IRF8: variants seen among roughly 807,000 people sequenced by gnomAD.
IRF8 encodes interferon consensus sequence binding protein 1.
IRF8 carries 14 observed loss-of-function variants against 48.7 expected under a neutral mutation model. The observed-to-expected ratio is 0.29, with a 90% CI of 0.19 to 0.45. IRF8 has a LOEUF of 0.45. Ranked by LOEUF, IRF8 falls within the 20% of genes least tolerant of loss-of-function variation. IRF8 has a pLI of 1.00. For synonymous variants in IRF8, 278 were observed against 227.3 expected (o/e 1.22, Z -2.01); for missense variants, 493 against 580.7 (o/e 0.85, Z 1.55).
chr16:85,909,427 T>C (rs941264313), intron 3 of IRF8: 2 of 515,894 alleles, frequency 3.9e-6, no homozygotes, highest in Admixed American at 6.5e-5. Context: ...AGGGCCTCCC[T>C]GGACAGGAAC....
chr16:85,920,371 C>T (rs538701645), intron 8 of IRF8, 147 bp downstream of exon 8: 21 of 640,434 alleles, frequency 3.3e-5, no homozygotes, highest in South Asian at 9.0e-5. Context: ...CTCAGCCTCC[C>T]GAGTTGCTGG....
At chr16:85,921,071 G>T (rs762047885) in intron 8 of IRF8, 35 bp from the exon 9 acceptor site, 18 of 1,587,430 alleles carry the variant, frequency 1.1e-5, no homozygotes, top group Non-Finnish European at 1.5e-5. Flanking sequence ...TGGAGCCTCC[G>T]CCTCTGCCTC....
intron 6 of IRF8, 130 bp from the exon 7 acceptor site, chr16:85,918,287 C>T: frequency 1.9e-6 from 2 of 1,060,406 alleles, no homozygotes; most frequent in Non-Finnish European, 2.7e-6. Context: ...ATGGATTTCC[C>T]CAGAATATCA....
At chr16:85,917,315 A>G (rs4843860) in intron 6 of IRF8, among the ~76,000 whole-genome samples, 34,212 of 152,118 alleles carry the variant, frequency 0.22, 4,200 homozygotes, top group Middle Eastern at 0.38. Context: ...GGTTTAAGGC[A>G]ATTAAAATGC....
chr16:85,908,903 A>G, intron 2 of IRF8, 87 bp from the exon 3 acceptor site: 1 of 1,124,796 alleles, frequency 8.9e-7, no homozygotes, highest in Non-Finnish European at 1.4e-6. Context: ...ATGGGAAGGG[A>G]AGGATGTGTG....
chr16:85,920,008 G>A (rs1905484811), intron 7 of IRF8, 101 bp from the exon 8 acceptor site: 7 of 863,552 alleles, frequency 8.1e-6, no homozygotes, highest in African/African-American at 1.7e-5. Context: ...TGGCCTAAAT[G>A]CTACAAGCCC....
rs146506351 is a variant in IRF8, at chr16:85,914,407, A to G, written c.554-66A>G. 524 of 1,594,020 alleles carry G rather than the reference A, an allele frequency of 3.3e-4. No individual in the cohort carries two copies. The African/African-American group carries it at 6.3e-3, about 19-fold the overall frequency. On this transcript the variant is annotated intron_variant, in intron 5 of 8. Coordinates refer to ENST00000268638, the MANE Select transcript of IRF8 (RefSeq NM_002163.4). ...TTAAGGGACTTTTGGAGAAGGAGCG[A>G]TTGGGGTTACTCCCTGTACACCACA...
At chr16:85,900,034 A>T (rs995673896) in intron 1 of IRF8, among the ~76,000 whole-genome samples, 11 of 152,224 alleles carry the variant, frequency 7.2e-5, no homozygotes, top group African/African-American at 2.7e-4. Flanking sequence ...GACAGTTCAA[A>T]GCTTGTCCTT....
chr16:85,904,075 G>A (rs1285508492), intron 2 of IRF8, among the ~76,000 whole-genome samples: 4 of 152,234 alleles, frequency 2.6e-5, no homozygotes, highest in Admixed American at 6.5e-5. Context: ...AGAGTCCTGT[G>A]TGGGCATCTC....
At chr16:85,903,656 G>T (rs771301582) in intron 2 of IRF8, 31 of 207,906 alleles carry the variant, frequency 1.5e-4, no homozygotes, top group Non-Finnish European at 2.8e-4. Flanking sequence ...GGGCTGGGCC[G>T]TGTGGGGGGT....
intron 5 of IRF8, 73 bp downstream of exon 5, chr16:85,913,309 GGA>G: frequency 2.8e-6 from 3 of 1,061,972 alleles, no homozygotes; most frequent in Non-Finnish European, 4.4e-6. Flanking sequence ...AGCCAGGGAC[GGA>G]GTGGGGGTGG....
At position 85,918,481 on chromosome 16, in the gene IRF8, C is replaced by G. The variant is rs1597256654; in HGVS notation, c.666C>G (p.Thr222=). The G allele has an allele frequency of 2.5e-6, 4 of 1,590,934 alleles. No homozygotes were observed. Among genetic ancestry groups the G allele is most frequent in the Non-Finnish European group, 2.6e-6 (3 of 1,174,786 alleles). Residue 222 remains threonine, a synonymous_variant, in exon 7 of 9, where the codon ACC becomes ACG. Transcript: ENST00000268638. ...AGCTGGTGGGCCAGGCCACCACCACCTGCCCCGAGGGCTGCCGCCTGTCCC... is the reference window on the plus strand; with the variant it reads ...AGCTGGTGGGCCAGGCCACCACCACGTGCCCCGAGGGCTGCCGCCTGTCCC... The part of the protein sequence containing the change: ...GGKLVGQATT[T]CPEGCRLSLS...
chr16:85,909,106 C>T lies in IRF8; in HGVS notation c.291C>T (p.Asp97=). 6.2e-7 allele frequency: 1 copy of T among 1,614,144 alleles called. No homozygotes were observed. Among genetic ancestry groups the T allele is most frequent in the Non-Finnish European group, 8.5e-7 (1 of 1,179,992 alleles). The stretch of plus-strand genomic sequence containing the variant: ...GCCCAGATTTTGAGGAAGTGACGGA[C>T]CGGTCCCAACTGGACATTTCCGAGC... The part of the protein sequence containing the change: ...NKSPDFEEVT[D]RSQLDISEPY... The change falls in exon 3 of 9, where the codon GAC becomes GAT. Residue 97 remains aspartate, a synonymous_variant. Transcript: ENST00000268638.
In IRF8 at chr16:85,918,567, G is replaced by A. The variant is rs1242802767; in HGVS notation, c.752G>A (p.Arg251His). 9.4e-6 allele frequency: 15 copies of A among 1,604,184 alleles called. No homozygotes were observed. Among genetic ancestry groups the A allele is most frequent in the South Asian group, 2.2e-5 (2 of 90,942 alleles). Residue 251 changes from arginine to histidine, a missense_variant, in exon 7 of 9, where the codon CGC becomes CAC. Physicochemically the swap from Arg to His is conservative, Grantham distance 29. Around this residue, in one of 3 missense-constraint regions of IRF8, gnomAD observed 408 missense variants for 449.6 expected, o/e 0.91. Transcript: ENST00000268638. ...GGGCCCGAGGGCCTGGAGCTGGTGC[G>A]CTTCCCGCCGGCCGACGCCATCCCC... Reference protein sequence around the residue: ...LYGPEGLELVRFPPADAIPSE... With the variant: ...LYGPEGLELVHFPPADAIPSE...
intron 2 of IRF8, among the ~76,000 whole-genome samples, chr16:85,905,359 C>CGGGG (rs202104886): frequency 4.1e-4 from 63 of 152,236 alleles, no homozygotes; most frequent in African/African-American, 1.4e-3. Context: ...AACTTGTGCT[C>CGGGG]GGGGGGTAAT....
chr16:85,910,950 C>T (rs562534185), intron 3 of IRF8, among the ~76,000 whole-genome samples: 44 of 152,304 alleles, frequency 2.9e-4, no homozygotes, highest in African/African-American at 9.9e-4. Flanking sequence ...ACTGAGGAAG[C>T]GGCATGAGAA....
rs760669482 is a variant in IRF8, at chr16:85,921,142, G to T, written c.1141G>T (p.Ala381Ser). 5 of 1,614,076 alleles carry T rather than the reference G, an allele frequency of 3.1e-6. No homozygotes were observed. Among genetic ancestry groups the T allele is most frequent in the Non-Finnish European group, 2.5e-6 (3 of 1,180,016 alleles). ...GTATGTCCGGCAACTGGCAGAAGAG[G>T]CTGGGAAGAGCTGTGGAGCCGGCTC... is the stretch of plus-strand genomic sequence containing the variant. ...QLYVRQLAEE[A>S]GKSCGAGSVM... The change falls in exon 9 of 9, where the codon GCT (alanine) becomes TCT (serine). Residue 381 changes from alanine (A) to serine (S), a missense_variant. This residue lies in a region of IRF8 where 408 missense variants were observed against 449.6 expected (regional missense o/e 0.91). Transcript: ENST00000268638.
At chr16:85,921,063 G>C (rs763684850) in intron 8 of IRF8, 43 bp from the exon 9 acceptor site, 1 of 1,573,628 alleles carries the variant, frequency 6.4e-7, no homozygotes, top group East Asian at 2.4e-5. Context: ...ACCCCCTTTG[G>C]AGCCTCCGCC....
intron 2 of IRF8, 126 bp downstream of exon 2, chr16:85,903,315 A>G: frequency 1.1e-6 from 1 of 933,576 alleles, no homozygotes; most frequent in East Asian, 2.6e-5. Flanking sequence ...AAAAGCAAAC[A>G]TTGGTTCAGG....
Sources: gnomAD v4.1 joint callset for allele counts (sites outside exome capture counted in the v4.1 genomes callset) on GRCh38, gnomAD v4.1.1 for gene constraint, gnomAD v4.1.1 regional missense constraint, MANE v1.5 for transcripts, NCBI Gene and HGNC (gene_info 2026-07-23, HGNC 2026-07-21) for gene names.